The following ITCH variants were observed in gnomAD, a reference collection of about 807,000 sequenced individuals.
ITCH encodes the protein itchy E3 ubiquitin protein ligase.
A neutral mutation model predicts 126.8 loss-of-function variants in ITCH; 28 were observed. That is an observed-to-expected ratio of 0.22 (90% CI 0.16 to 0.30). The LOEUF (loss-of-function observed/expected upper bound fraction) is 0.30. Among genes scored for constraint, ITCH ranks in the 10% least tolerant of loss-of-function variants. The pLI, the probability that ITCH is intolerant of heterozygous loss-of-function variation, is 1.00. For synonymous variants in ITCH, 342 were observed against 340.0 expected, an observed-to-expected ratio of 1.01 and a Z score of -0.06; for missense variants, 631 against 1,032.4, an observed-to-expected ratio of 0.61 and a Z score of 5.33.
chr20:34,489,126 C>A, intron 20 of ITCH, 140 bp from the exon 21 acceptor site: 2 of 599,818 alleles, frequency 3.3e-6, no homozygotes, highest in South Asian at 2.2e-5. Flanking sequence ...GAAGCTTGGA[C>A]ATGTGTACAG....
intron 7 of ITCH, among the ~76,000 whole-genome samples, chr20:34,431,517 T>G (rs1269334500): frequency 6.6e-6 from 1 of 152,062 alleles, no homozygotes; most frequent in Non-Finnish European, 1.5e-5. Context: ...AGATAAAGAG[T>G]AGAGATTGAT....
intron 6 of ITCH, among the ~76,000 whole-genome samples, chr20:34,422,208 A>G (rs1425712987): frequency 6.6e-6 from 1 of 152,208 alleles, no homozygotes; most frequent in East Asian, 1.9e-4. Flanking sequence ...CAGGAAAAGT[A>G]CAGGAAGTCA....
intron 2 of ITCH, among the ~76,000 whole-genome samples, chr20:34,383,103 A>G (rs1342506836): frequency 6.6e-6 from 1 of 151,970 alleles, no homozygotes; most frequent in African/African-American, 2.4e-5. Context: ...ATGCAGTGGC[A>G]TGATCATGGC....
At chr20:34,397,464 TA>T (rs1417868937) in intron 3 of ITCH, among the ~76,000 whole-genome samples, 1 of 152,210 alleles carries the variant, frequency 6.6e-6, no homozygotes, top group Non-Finnish European at 1.5e-5. Context: ...ATAGAACAAT[TA>T]TCATCCCCTG....
At chr20:34,409,139 T>TG (rs1310531922) in intron 4 of ITCH, among the ~76,000 whole-genome samples, 1 of 82,788 alleles carries the variant, frequency 1.2e-5, no homozygotes, top group East Asian at 3.7e-4. Flanking sequence ...TTATGAGTAC[T>TG]CCCCCCCCCC....
chr20:34,402,596 C>G, intron 3 of ITCH: 1 of 662,606 alleles, frequency 1.5e-6, no homozygotes, highest in South Asian at 1.5e-5. Context: ...ATTGTTATTG[C>G]ATAGTTGTCA....
intron 7 of ITCH, 75 bp from the exon 8 acceptor site, chr20:34,438,396 CCTG>C: frequency 6.8e-7 from 1 of 1,479,106 alleles, no homozygotes; most frequent in South Asian, 1.1e-5. Context: ...TTTTCATCCT[CCTG>C]CTGTTTTTTT....
chr20:34,462,008 T>C, intron 13 of ITCH, 85 bp from the exon 14 acceptor site: 1 of 1,336,112 alleles, frequency 7.5e-7, no homozygotes, highest in Non-Finnish European at 1.1e-6. Flanking sequence ...ATTTCTGCTA[T>C]GTTTATTGAC....
At chr20:34,380,256 C>T (rs1484992978) in intron 2 of ITCH, among the ~76,000 whole-genome samples, 1 of 151,984 alleles carries the variant, frequency 6.6e-6, no homozygotes, top group Non-Finnish European at 1.5e-5. Context: ...GAATTTTATT[C>T]CTTTTTAAAT....
chr20:34,400,358 TC>T (rs1290468319), intron 3 of ITCH, among the ~76,000 whole-genome samples: 5 of 152,140 alleles, frequency 3.3e-5, no homozygotes, highest in African/African-American at 1.2e-4. Flanking sequence ...TGAGCCACTT[TC>T]CCTGACCTAG....
rs528374451 is a variant in ITCH at position 34,421,974 on chromosome 20, C to A, written c.476-2506C>A. Among the ~76,000 whole-genome samples, 54 of 152,250 alleles carry A rather than the reference C, an allele frequency of 3.5e-4. No individual in the cohort carries two copies. The South Asian group carries it at 3.7e-3, about 11-fold the overall frequency. On this transcript the variant is annotated intron_variant, in intron 6 of 24. Coordinates refer to ENST00000374864, the MANE Select transcript of ITCH (RefSeq NM_031483.7). ...GAGGCTGCAGTGAGCTATGACCATG[C>A]CACTGTACTCCAGCCTGGACAATGC...
At chr20:34,466,406 A>G (rs1267029011) in intron 14 of ITCH, 2 of 531,596 alleles carry the variant, frequency 3.8e-6, no homozygotes, top group Non-Finnish European at 7.7e-6. Context: ...CTTAGAGCAA[A>G]GATGGTTCCC....
rs1013633436 is a variant in ITCH, at chr20:34,509,867, A to G, written c.*2073A>G. The G allele has an allele frequency of 5.2e-5, 8 of 152,630 alleles. No individual in the cohort carries two copies. Among genetic ancestry groups the G allele is most frequent in the Non-Finnish European group, 8.8e-5 (6 of 68,042 alleles). 9.5% of individuals were successfully genotyped at this position (152,630 alleles called of 1,614,324 possible). ...TGAAATGTAGTTACCTACAATATTT[A>G]CTAGAGATTTATGAAATTAAATTAA... On this transcript the variant is annotated 3_prime_UTR_variant, in exon 25 of 25. Coordinates refer to ENST00000374864, the MANE Select transcript of ITCH (RefSeq NM_031483.7).
At chr20:34,384,147 C>CTTTTTTTTTTT (rs35103776) in intron 2 of ITCH, 1 of 123,962 alleles carries the variant, frequency 8.1e-6, no homozygotes. Flanking sequence ...TGTCCGGCCT[C>CTTTTTTTTTTT]TTTTTTTTTT....
chr20:34,426,741 ATGCC>A (rs2146230841), intron 7 of ITCH, among the ~76,000 whole-genome samples: 1 of 147,860 alleles, frequency 6.8e-6, no homozygotes, highest in East Asian at 2.1e-4. Context: ...ATAAGCTGCC[ATGCC>A]TGGCCGATAG....
At chr20:34,414,364 T>C (rs1408698980) in intron 6 of ITCH, among the ~76,000 whole-genome samples, 3 of 151,514 alleles carry the variant, frequency 2.0e-5, no homozygotes, top group Non-Finnish European at 2.9e-5. Flanking sequence ...GCAGTTAATA[T>C]GGGTTAGATG....
chr20:34,420,440 A>T (rs1169365810), intron 6 of ITCH, among the ~76,000 whole-genome samples: 1 of 152,190 alleles, frequency 6.6e-6, no homozygotes, highest in African/African-American at 2.4e-5. Flanking sequence ...TGATAGTTCT[A>T]CTGTGTATAT....
chr20:34,371,313 C>G (rs376128662), intron 2 of ITCH, among the ~76,000 whole-genome samples: 10 of 140,000 alleles, frequency 7.1e-5, no homozygotes, highest in African/African-American at 2.7e-4. Flanking sequence ...GAGATGGAGC[C>G]TTCCCCAGGC....
intron 23 of ITCH, among the ~76,000 whole-genome samples, chr20:34,495,921 TAAAAAAAAAAA>T (rs35357680): frequency 8.0e-5 from 4 of 49,962 alleles, no homozygotes; most frequent in Non-Finnish European, 1.2e-4. Context: ...CTGAAAATAC[TAAAAAAAAAAA>T]AAAAAAAAAA....
Sources: gnomAD v4.1 joint callset for allele counts (sites outside exome capture counted in the v4.1 genomes callset) on GRCh38, gnomAD v4.1.1 for gene constraint, MANE v1.5 for transcripts, NCBI Gene and HGNC (gene_info 2026-07-23, HGNC 2026-07-21) for gene names.